KIF1B: variants seen among roughly 807,000 people sequenced by gnomAD.
KIF1B encodes kinesin-like protein KIF1B.
KIF1B carries 76 observed loss-of-function variants against 241.9 expected under a neutral mutation model. The ratio of observed to expected loss-of-function variants is 0.31; its 90% CI spans 0.26 to 0.38. KIF1B has a LOEUF of 0.38. KIF1B is among the 10% of genes least tolerant of loss of function. KIF1B has a pLI of 1.00. For synonymous variants in KIF1B, 750 were observed against 796.7 expected (o/e 0.94, Z 0.99); for missense variants, 1,622 against 2,271.4 (o/e 0.71, Z 5.81).
At chr1:10,325,749 A>G (rs1402085183) in intron 26 of KIF1B, among the ~76,000 whole-genome samples, 1 of 152,196 alleles carries the variant, frequency 6.6e-6, no homozygotes, top group East Asian at 1.9e-4. Context: ...GTAAAGACTG[A>G]AAGCCTTCTT....
chr1:10,370,525 C>A (rs1638699919), intron 44 of KIF1B, among the ~76,000 whole-genome samples: 1 of 151,814 alleles, frequency 6.6e-6, no homozygotes, highest in Admixed American at 6.6e-5. Flanking sequence ...CATCGCACCA[C>A]TGCACTACAG....
intron 18 of KIF1B, 134 bp from the exon 19 acceptor site, chr1:10,295,526 T>C: frequency 1.3e-6 from 1 of 793,824 alleles, no homozygotes; most frequent in Non-Finnish European, 2.2e-6. Flanking sequence ...AATTCATAGT[T>C]GAAAGCTTCT....
At chr1:10,213,800 A>G (rs945669572) in intron 1 of KIF1B, among the ~76,000 whole-genome samples, 1 of 152,128 alleles carries the variant, frequency 6.6e-6, no homozygotes, top group African/African-American at 2.4e-5. Flanking sequence ...GTCAGGATAG[A>G]AGAGAAATTA....
At chr1:10,330,286 G>A (rs1338526618) in intron 27 of KIF1B, among the ~76,000 whole-genome samples, 4 of 152,180 alleles carry the variant, frequency 2.6e-5, no homozygotes, top group Admixed American at 2.6e-4. Flanking sequence ...TAGTGAATGT[G>A]TGATTGTGTA....
intron 37 of KIF1B, among the ~76,000 whole-genome samples, chr1:10,350,564 A>T (rs1219778223): frequency 1.3e-5 from 2 of 152,176 alleles, no homozygotes; most frequent in Non-Finnish European, 2.9e-5. Flanking sequence ...ATCTCAAAAA[A>T]ATATATAAAT....
rs145802127 is a variant in KIF1B at position 10,310,851 on chromosome 1, G to A, written c.2116-9192G>A. ...ACAAGGTGCTCTGAAAGGGTTTAACGGGTGCCTTTGGGAATGAAAAGTGGC... is the reference window on the plus strand; with the variant it reads ...ACAAGGTGCTCTGAAAGGGTTTAACAGGTGCCTTTGGGAATGAAAAGTGGC... On this transcript the variant is annotated intron_variant, in intron 22 of 48. Transcript: ENST00000676179. 6.6e-5 allele frequency among the ~76,000 whole-genome samples: 10 copies of A among 151,580 alleles called. No individual in the cohort carries two copies. In the East Asian group the frequency reaches 9.7e-4, roughly 15 times the overall value.
At chr1:10,267,745 A>G (rs1210636093) in intron 6 of KIF1B, among the ~76,000 whole-genome samples, 187 bp downstream of exon 6, 1 of 152,242 alleles carries the variant, frequency 6.6e-6, no homozygotes, top group East Asian at 1.9e-4. Flanking sequence ...TCTAAACAGT[A>G]CATTGCTGAA....
chr1:10,279,191 T>C, intron 14 of KIF1B, 53 bp downstream of exon 14: 2 of 1,212,700 alleles, frequency 1.6e-6, no homozygotes, highest in Non-Finnish European at 2.4e-6. Context: ...CTAATCTGCC[T>C]CTGCTGGATC....
chr1:10,261,114 G>A (rs1241347196), intron 4 of KIF1B, among the ~76,000 whole-genome samples: 2 of 147,740 alleles, frequency 1.4e-5, no homozygotes, highest in Non-Finnish European at 3.0e-5. Context: ...CTACAGGCAC[G>A]TACCACCACG....
chr1:10,345,170 A>AT (rs377210266), intron 34 of KIF1B, among the ~76,000 whole-genome samples: 1 of 152,190 alleles, frequency 6.6e-6, no homozygotes, highest in Non-Finnish European at 1.5e-5. Flanking sequence ...AAGAAAAAAA[A>AT]GCATATGGAA....
chr1:10,352,486 G>C, intron 37 of KIF1B, 145 bp from the exon 38 acceptor site: 1 of 680,030 alleles, frequency 1.5e-6, no homozygotes, highest in Non-Finnish European at 2.7e-6. Flanking sequence ...AATGGAGTCA[G>C]ACCGTGGAGG....
At chr1:10,364,200 CTTTTTTTTTT>C (rs779967463) in intron 41 of KIF1B, among the ~76,000 whole-genome samples, 1 of 113,864 alleles carries the variant, frequency 8.8e-6, no homozygotes, top group Admixed American at 8.9e-5. Context: ...GGGACAGGAT[CTTTTTTTTTT>C]TTTTTTTTTT....
At chr1:10,259,857 T>A (rs1648026373) in intron 4 of KIF1B, among the ~76,000 whole-genome samples, 1 of 151,854 alleles carries the variant, frequency 6.6e-6, no homozygotes, top group Non-Finnish European at 1.5e-5. Context: ...TGGTCTCGAA[T>A]GGACCTGGGC....
In KIF1B at chr1:10,365,151, G is replaced by A. The variant is rs1384701975; in HGVS notation, c.4418G>A (p.Arg1473Gln). ...TTAGATACGTCAGTGGCATATGTGC[G>A]GGGAGAAGAGAACTTAGCAGGCTGG... ...KILDTSVAYV[R>Q]GEENLAGWRP... The change falls in exon 42 of 49, where the codon CGG becomes CAG. Residue 1473 changes from arginine to glutamine, a missense_variant. Coordinates refer to ENST00000676179, the MANE Select transcript of KIF1B (RefSeq NM_001365951.3). The surrounding 1 kb of genome is among the most constrained non-coding windows in gnomAD (Gnocchi z 4.0). The A allele has an allele frequency of 3.7e-6, 6 of 1,614,064 alleles. No homozygotes were observed. The highest frequency in any genetic ancestry group is 4.2e-6 in the Non-Finnish European group (5 of 1,180,012).
At chr1:10,342,522 C>T (rs1322177436) in intron 33 of KIF1B, among the ~76,000 whole-genome samples, 2 of 152,210 alleles carry the variant, frequency 1.3e-5, no homozygotes, top group Non-Finnish European at 2.9e-5. Flanking sequence ...ATCACAACTG[C>T]TGAGGAAAGC....
At chr1:10,215,158 ATATATATATATATATTTTTT>A (rs1306317167) in intron 1 of KIF1B, among the ~76,000 whole-genome samples, 5 of 68,504 alleles carry the variant, frequency 7.3e-5, no homozygotes, top group African/African-American at 4.7e-4. Context: ...ATATATATAT[ATATATATATATATATTTTTT>A]TTTTTTTTTT....
At chr1:10,296,788 C>A in intron 20 of KIF1B, 109 bp from the exon 21 acceptor site, 1 of 1,383,346 alleles carries the variant, frequency 7.2e-7, no homozygotes, top group Non-Finnish European at 1.0e-6. Context: ...CTTGTAAAAA[C>A]AACAGCTCTG....
chr1:10,334,688 C>G, intron 28 of KIF1B, 50 bp downstream of exon 28: 1 of 1,429,050 alleles, frequency 7.0e-7, no homozygotes, highest in Admixed American at 1.7e-5. Flanking sequence ...TGTCTAGAGA[C>G]AAAGCAGGCT....
In KIF1B at chr1:10,306,179, G is replaced by A. The variant is rs1650820005; in HGVS notation, c.2115+8933G>A. 3.8e-6 allele frequency: 4 copies of A among 1,039,358 alleles called. No individual in the cohort carries two copies. The African/African-American group carries it at 6.7e-5, about 17-fold the overall frequency. 64.4% of individuals were successfully genotyped at this position (1,039,358 alleles called of 1,614,324 possible). ...TGTTTTTTTCCCCTTAAAAAGAGAAGCTTTGAGAGATATTTTTGCTTTCAT... is the reference window on the plus strand; with the variant it reads ...TGTTTTTTTCCCCTTAAAAAGAGAAACTTTGAGAGATATTTTTGCTTTCAT... On this transcript the variant is annotated intron_variant, in intron 22 of 48. Transcript: ENST00000676179.
Sources: gnomAD v4.1 joint callset for allele counts (sites outside exome capture counted in the v4.1 genomes callset) on GRCh38, gnomAD v4.1.1 for gene constraint, Gnocchi (gnomAD v3.1) non-coding constraint, MANE v1.5 for transcripts, NCBI Gene and HGNC (gene_info 2026-07-23, HGNC 2026-07-21) for gene names.